IGSF10: variants seen among roughly 807,000 people sequenced by gnomAD.
IGSF10 encodes the protein immunoglobulin superfamily member 10.
IGSF10 carries 126 observed loss-of-function variants against 128.2 expected under a neutral mutation model. The ratio of observed to expected loss-of-function variants is 0.98; its 90% CI spans 0.85 to 1.14. The LOEUF (loss-of-function observed/expected upper bound fraction) is 1.14. Ranked by LOEUF, IGSF10 falls within the 50% of genes most tolerant of loss-of-function variation. IGSF10 has a pLI of 0.00. For missense variants in IGSF10, 3,295 were observed against 3,149.8 expected (o/e 1.05, Z -1.10); for synonymous variants, 1,185 against 1,146.2 (o/e 1.03, Z -0.68).
At chr3:151,556,979 G>A in the IGSF10 span, among the ~76,000 whole-genome samples, 1 of 152,144 alleles carries the variant, frequency 6.6e-6, no homozygotes, top group South Asian at 2.1e-4. Context: ...TGAGGAAAAT[G>A]TTTATTTGTT....
intron 5 of IGSF10, among the ~76,000 whole-genome samples, chr3:151,452,578 G>T (rs1245706311): frequency 6.6e-6 from 1 of 152,100 alleles, no homozygotes; most frequent in Non-Finnish European, 1.5e-5. Context: ...TCAGTATGCA[G>T]TGTGTGATTA....
the IGSF10 span, among the ~76,000 whole-genome samples, chr3:151,603,717 A>G: frequency 6.6e-6 from 1 of 152,188 alleles, no homozygotes; most frequent in Non-Finnish European, 1.5e-5. Flanking sequence ...GGTTACTTTC[A>G]ATCTAAGTCT....
At chr3:151,525,842 T>G in the IGSF10 span, among the ~76,000 whole-genome samples, 69 of 152,298 alleles carry the variant, frequency 4.5e-4, no homozygotes, top group African/African-American at 1.5e-3. Context: ...GTACATTGAT[T>G]TGAGACTTCA....
the IGSF10 span, among the ~76,000 whole-genome samples, chr3:151,512,471 C>T: frequency 5.9e-5 from 9 of 151,950 alleles, no homozygotes; most frequent in East Asian, 9.7e-4. Context: ...CAGTGTGTAT[C>T]GGGAAGTTTA....
chr3:151,470,614 C>A, the IGSF10 span, among the ~76,000 whole-genome samples: 6 of 152,160 alleles, frequency 3.9e-5, no homozygotes, highest in African/African-American at 1.4e-4. Flanking sequence ...AAACCTTTCA[C>A]CTTGTTTGTT....
the IGSF10 span, among the ~76,000 whole-genome samples, chr3:151,615,964 GT>G: frequency 0.15 from 20,412 of 132,194 alleles, 1,596 homozygotes; most frequent in African/African-American, 0.26. Flanking sequence ...GTTTTTTGAG[GT>G]TTTTTTTTTT....
At chr3:151,618,338 G>C in the IGSF10 span, among the ~76,000 whole-genome samples, 1 of 152,152 alleles carries the variant, frequency 6.6e-6, no homozygotes, top group Non-Finnish European at 1.5e-5. Flanking sequence ...ATTTGTTACA[G>C]CCACCCAAAC....
In IGSF10 at chr3:151,448,727, T is replaced by C. The variant is rs1401735163; in HGVS notation, c.1254A>G (p.Ile418Met). ...APKPEDIFTN[I>M]EADLRADPSW... ...AGGGATCTGCTCTGAGATCTGCCTC[T>C]ATGTTGGTAAAAATGTCTTCAGGCT... The change falls in exon 6 of 8, where the codon ATA becomes ATG. Residue 418 changes from isoleucine (I) to methionine (M), a missense_variant. Ile to Met is a conservative substitution (Grantham distance 10). Coordinates refer to ENST00000282466, the MANE Select transcript of IGSF10 (RefSeq NM_178822.5). 2.5e-6 allele frequency: 4 copies of C among 1,613,684 alleles called. No homozygotes were observed. The highest frequency in any genetic ancestry group is 3.4e-6 in the Non-Finnish European group (4 of 1,179,674).
chr3:151,618,230 C>T, the IGSF10 span, among the ~76,000 whole-genome samples: 1 of 152,032 alleles, frequency 6.6e-6, no homozygotes, highest in Non-Finnish European at 1.5e-5. Context: ...AGAGAGTCGT[C>T]ACCAGTAACT....
chr3:151,615,655 G>T, the IGSF10 span, among the ~76,000 whole-genome samples: 4 of 152,116 alleles, frequency 2.6e-5, no homozygotes, highest in Non-Finnish European at 5.9e-5. Context: ...CAAAGGGAAG[G>T]AAATATGAAG....
At chr3:151,578,512 T>C in the IGSF10 span, among the ~76,000 whole-genome samples, 7 of 152,318 alleles carry the variant, frequency 4.6e-5, no homozygotes, top group African/African-American at 1.7e-4. Flanking sequence ...GAAAGGCAGT[T>C]TGTACTCACT....
At chr3:151,541,638 T>C in the IGSF10 span, among the ~76,000 whole-genome samples, 1 of 152,190 alleles carries the variant, frequency 6.6e-6, no homozygotes, top group Non-Finnish European at 1.5e-5. Context: ...TATGTTTTAG[T>C]TTTTTCTTTG....
At chr3:151,497,514 TG>T in the IGSF10 span, among the ~76,000 whole-genome samples, 1 of 152,202 alleles carries the variant, frequency 6.6e-6, no homozygotes, top group African/African-American at 2.4e-5. Flanking sequence ...CTGAGGGCTC[TG>T]TTCTGTTCCA....
intron 7 of IGSF10, among the ~76,000 whole-genome samples, chr3:151,441,123 T>C (rs567661669): frequency 8.0e-4 from 122 of 152,336 alleles, no homozygotes; most frequent in Middle Eastern, 3.4e-3. Flanking sequence ...CTAATGCTAC[T>C]GGTAGGGGGT....
At chr3:151,478,275 T>G in the IGSF10 span, among the ~76,000 whole-genome samples, 1 of 152,240 alleles carries the variant, frequency 6.6e-6, no homozygotes. Context: ...CATGGTGTTC[T>G]TTGTCATGGA....
the IGSF10 span, among the ~76,000 whole-genome samples, chr3:151,573,872 G>T: frequency 6.6e-6 from 1 of 152,188 alleles, no homozygotes; most frequent in Non-Finnish European, 1.5e-5. Context: ...GGTACCAGTT[G>T]TTCCTTTCCA....
At chr3:151,594,984 A>G in the IGSF10 span, among the ~76,000 whole-genome samples, 1 of 152,084 alleles carries the variant, frequency 6.6e-6, no homozygotes, top group Admixed American at 6.5e-5. Context: ...TTAAAAAGAC[A>G]TAAAAATGAC....
chr3:151,516,668 C>T, the IGSF10 span, among the ~76,000 whole-genome samples: 1 of 151,852 alleles, frequency 6.6e-6, no homozygotes, highest in Non-Finnish European at 1.5e-5. Flanking sequence ...GTTCCAGAAG[C>T]AGAACATTGG....
the IGSF10 span, among the ~76,000 whole-genome samples, chr3:151,572,461 G>T: frequency 5.9e-5 from 9 of 152,292 alleles, no homozygotes; most frequent in African/African-American, 1.7e-4. Context: ...AGGTGTATGT[G>T]TCCAGGAATT....
Sources: gnomAD v4.1 joint callset for allele counts (sites outside exome capture counted in the v4.1 genomes callset) on GRCh38, gnomAD v4.1.1 for gene constraint, MANE v1.5 for transcripts, NCBI Gene and HGNC (gene_info 2026-07-23, HGNC 2026-07-21) for gene names.